Variants in LPP observed in about 807,000 individuals in gnomAD.
LPP encodes the protein lipoma-preferred partner.
LPP carries 38 observed loss-of-function variants against 60.4 expected under a neutral mutation model. The observed-to-expected ratio is 0.63, with a 90% CI of 0.49 to 0.83. The LOEUF (loss-of-function observed/expected upper bound fraction) is 0.83. LPP is among the 40% of genes least tolerant of loss of function. LPP has a pLI of 0.00. For synonymous variants in LPP, 328 were observed against 290.8 expected, an observed-to-expected ratio of 1.13 and a Z score of -1.30; for missense variants, 902 against 783.6, an observed-to-expected ratio of 1.15 and a Z score of -1.80.
At chr3:188,433,617 A>AGGAGAAAG in intron 4 of LPP, among the ~76,000 whole-genome samples, 4 of 145,350 alleles carry the variant, frequency 2.8e-5, no homozygotes. Flanking sequence ...AGAGAGAGAG[A>AGGAGAAAG]GAGAGAGAGA....
At chr3:188,240,078 T>A (rs573672678) in intron 2 of LPP, 1 of 196,948 alleles carries the variant, frequency 5.1e-6, no homozygotes, top group Non-Finnish European at 1.1e-5. Flanking sequence ...TGCTGTCCTG[T>A]AGTTCATGGA....
intron 2 of LPP, among the ~76,000 whole-genome samples, chr3:188,308,499 A>G (rs1437879924): frequency 6.6e-6 from 1 of 152,222 alleles, no homozygotes; most frequent in Non-Finnish European, 1.5e-5. Flanking sequence ...CCATCTGAAA[A>G]TTGATGGATC....
chr3:188,329,670 T>C (rs536502206), intron 2 of LPP, among the ~76,000 whole-genome samples: 7 of 152,244 alleles, frequency 4.6e-5, no homozygotes, highest in African/African-American at 1.4e-4. Context: ...TTGCATATTT[T>C]CCCTACTCTC....
At chr3:188,437,628 T>A (rs1023882606) in intron 4 of LPP, among the ~76,000 whole-genome samples, 1 of 152,218 alleles carries the variant, frequency 6.6e-6, no homozygotes, top group Non-Finnish European at 1.5e-5. Flanking sequence ...AATTTTGCAT[T>A]TTTTTCACTT....
intron 4 of LPP, among the ~76,000 whole-genome samples, chr3:188,472,090 T>A (rs1357970978): frequency 6.6e-6 from 1 of 152,204 alleles, no homozygotes; most frequent in African/African-American, 2.4e-5. Flanking sequence ...CTCCAATGAT[T>A]CTCAAATCAC....
At chr3:188,562,440 C>T (rs889975228) in intron 6 of LPP, 1 of 151,916 alleles carries the variant, frequency 6.6e-6, no homozygotes, top group East Asian at 1.9e-4. Flanking sequence ...GAAGTCAATC[C>T]TAGAAAGGAG....
chr3:188,746,546 T>C (rs1274549846), intron 8 of LPP: 6 of 488,324 alleles, frequency 1.2e-5, no homozygotes, highest in African/African-American at 9.8e-5. Context: ...ACCTTCAACT[T>C]TGCACTCTCC....
chr3:188,636,925 G>C (rs886734847), intron 7 of LPP, among the ~76,000 whole-genome samples: 1 of 142,848 alleles, frequency 7.0e-6, no homozygotes, highest in Non-Finnish European at 1.5e-5. Context: ...CATCATCAAA[G>C]ACCAAAAGAC....
chr3:188,649,654 GTT>G (rs5855215), intron 7 of LPP, among the ~76,000 whole-genome samples: 3 of 151,866 alleles, frequency 2.0e-5, no homozygotes, highest in East Asian at 1.9e-4. Context: ...AGTTGTGAAG[GTT>G]TTTTTTTATT....
rs573132880 is a variant in LPP at position 188,415,385 on chromosome 3, C to T, written c.193+9072C>T. Among the ~76,000 whole-genome samples the T allele has an allele frequency of 2.1e-4, 32 of 152,138 alleles. No individual in the cohort carries two copies. In the South Asian group the frequency reaches 6.6e-3, roughly 32 times the overall value. ...TGGAAAACTCTTTGGCGGTATTTTA[C>T]AAAAGTAAACATGTACTAACCATAT... On this transcript the variant is annotated intron_variant, in intron 4 of 11. Transcript: ENST00000617246.
intron 4 of LPP, among the ~76,000 whole-genome samples, chr3:188,417,863 G>C (rs1316968175): frequency 6.6e-6 from 1 of 152,118 alleles, no homozygotes; most frequent in East Asian, 1.9e-4. Context: ...TTTTTACCTA[G>C]TCAAACACAC....
chr3:188,766,378 C>CA (rs142374028), intron 9 of LPP, among the ~76,000 whole-genome samples: 32,790 of 125,186 alleles, frequency 0.26, 4,720 homozygotes, highest in Middle Eastern at 0.34. Context: ...CCTTAAAAAG[C>CA]AAAAAAAAAA....
chr3:188,205,828 T>A (rs1733051174), intron 1 of LPP, among the ~76,000 whole-genome samples: 1 of 152,154 alleles, frequency 6.6e-6, no homozygotes, highest in Non-Finnish European at 1.5e-5. Flanking sequence ...TTGAGGGATA[T>A]AGCACGGAGG....
chr3:188,849,175 C>T (rs1359743531), intron 9 of LPP, among the ~76,000 whole-genome samples: 7 of 152,296 alleles, frequency 4.6e-5, no homozygotes, highest in Admixed American at 4.6e-4. Flanking sequence ...ACGGCTGTGC[C>T]ATTCCAGTGC....
At chr3:188,634,091 C>G (rs1320183117) in intron 7 of LPP, among the ~76,000 whole-genome samples, 1 of 152,102 alleles carries the variant, frequency 6.6e-6, no homozygotes, top group East Asian at 1.9e-4. Context: ...TTACATAAAC[C>G]TTAATAAAAA....
chr3:188,513,936 T>C (rs1816561749), intron 5 of LPP, among the ~76,000 whole-genome samples: 1 of 152,204 alleles, frequency 6.6e-6, no homozygotes, highest in African/African-American at 2.4e-5. Flanking sequence ...TATAGATCTA[T>C]GCAGTATTAG....
intron 3 of LPP, among the ~76,000 whole-genome samples, chr3:188,385,276 C>A (rs907941083): frequency 1.4e-4 from 22 of 152,216 alleles, no homozygotes; most frequent in African/African-American, 5.1e-4. Flanking sequence ...TTTACAAAAT[C>A]TCTTTTAAGG....
rs546133814 is a variant in LPP, at chr3:188,510,430, C to T, written c.307-14235C>T. Reference sequence around the variant, plus strand: ...CTCACTCACTTTTTATCAATGGCAACCTTTTTCCTAAAAATAGGAATTTCT... The same window carrying T: ...CTCACTCACTTTTTATCAATGGCAATCTTTTTCCTAAAAATAGGAATTTCT... On this transcript the variant is annotated intron_variant, in intron 5 of 11. Coordinates refer to ENST00000617246, the MANE Select transcript of LPP (RefSeq NM_001375462.1). Among the ~76,000 whole-genome samples the T allele has an allele frequency of 5.3e-5, 8 of 152,252 alleles. 1 individual carries two copies. The highest frequency in any genetic ancestry group is 1.9e-4 in the African/African-American group (8 of 41,538).
chr3:188,609,816 C>T lies in LPP; in HGVS notation c.1085C>T (p.Ala362Val), dbSNP rs770700192. The change falls in exon 7 of 12, where the codon GCC becomes GTC. Residue 362 changes from alanine to valine, a missense_variant. Physicochemically the swap from Ala to Val is moderately conservative, Grantham distance 64. Transcript: ENST00000617246. This position sits in a 1 kb window ranked among gnomAD's most constrained non-coding sequence, Gnocchi z 6.9. ...ACCTATATCACAGATCCTGTTTCAG[C>T]CCCCTGTGCGCCACCATTGCAGCCA... ...KKTYITDPVS[A>V]PCAPPLQPKG... 12 of 1,612,618 alleles carry T rather than the reference C, an allele frequency of 7.4e-6. No homozygotes were observed. The highest frequency in any genetic ancestry group is 6.8e-6 in the Non-Finnish European group (8 of 1,179,422).
Sources: gnomAD v4.1 joint callset for allele counts (sites outside exome capture counted in the v4.1 genomes callset) on GRCh38, gnomAD v4.1.1 for gene constraint, Gnocchi (gnomAD v3.1) non-coding constraint, MANE v1.5 for transcripts, NCBI Gene and HGNC (gene_info 2026-07-23, HGNC 2026-07-21) for gene names.